Variants in UBE2E2 observed in about 807,000 individuals in gnomAD.
UBE2E2 encodes ubiquitin-conjugating enzyme E2 E2.
A neutral mutation model predicts 24.7 loss-of-function variants in UBE2E2; 6 were observed. The observed-to-expected ratio is 0.24, with a 90% CI of 0.13 to 0.48. The LOEUF is 0.48. Ranked by LOEUF, UBE2E2 falls within the 20% of genes least tolerant of loss-of-function variation. The pLI is 0.99. For synonymous variants in UBE2E2, 104 were observed against 83.6 expected (o/e 1.24, Z -1.33); for missense variants, 169 against 245.0 (o/e 0.69, Z 2.07).
intron 4 of UBE2E2, among the ~76,000 whole-genome samples, chr3:23,501,733 T>C (rs938032957): frequency 3.3e-5 from 5 of 152,302 alleles, no homozygotes; most frequent in Middle Eastern, 3.4e-3. Context: ...CAGTTTTCTC[T>C]GAGGGAAATC....
chr3:23,357,377 A>G (rs1462208243), intron 3 of UBE2E2, among the ~76,000 whole-genome samples: 1 of 152,120 alleles, frequency 6.6e-6, no homozygotes. Context: ...AATCTTGAGG[A>G]TGCCAGTGCC....
At chr3:23,361,528 C>T (rs557988363) in intron 3 of UBE2E2, among the ~76,000 whole-genome samples, 2 of 152,296 alleles carry the variant, frequency 1.3e-5, no homozygotes, top group South Asian at 4.1e-4. Context: ...TTCTTTGCAG[C>T]AACTTAGATG....
intron 3 of UBE2E2, among the ~76,000 whole-genome samples, chr3:23,304,928 A>G (rs1039667158): frequency 1.3e-5 from 2 of 152,018 alleles, no homozygotes; most frequent in Non-Finnish European, 2.9e-5. Flanking sequence ...TGATTTTGTA[A>G]TATCAAGTAT....
At chr3:23,434,405 A>T (rs1698137174) in intron 3 of UBE2E2, among the ~76,000 whole-genome samples, 1 of 152,124 alleles carries the variant, frequency 6.6e-6, no homozygotes, top group Non-Finnish European at 1.5e-5. Context: ...CCCCCAAATG[A>T]CACAATTGTG....
At chr3:23,379,462 T>C (rs1021013104) in intron 3 of UBE2E2, among the ~76,000 whole-genome samples, 2 of 147,620 alleles carry the variant, frequency 1.4e-5, no homozygotes, top group East Asian at 4.0e-4. Flanking sequence ...ATCTCATTGT[T>C]CAATTCCCAC....
rs1347213203 is a variant in UBE2E2, at chr3:23,208,696, T to C, written c.-4T>C. ...ATTTTTGATTCTTTAATCCAGGATC[T>C]AAAATGTCCACTGAGGCACAAAGAG... On this transcript the variant is annotated 5_prime_UTR_variant, in exon 2 of 6. Transcript: ENST00000396703. 1 of 1,599,428 alleles carries C rather than the reference T, an allele frequency of 6.3e-7. No homozygotes were observed. The highest frequency in any genetic ancestry group is 8.5e-7 in the Non-Finnish European group (1 of 1,173,634).
intron 3 of UBE2E2, among the ~76,000 whole-genome samples, chr3:23,237,487 T>C (rs987692394): frequency 1.3e-5 from 2 of 152,164 alleles, no homozygotes; most frequent in Non-Finnish European, 1.5e-5. Context: ...TTTCATCTGT[T>C]TGTAGAAGCC....
intron 3 of UBE2E2, among the ~76,000 whole-genome samples, chr3:23,242,690 A>G (rs934174600): frequency 6.6e-6 from 1 of 152,142 alleles, no homozygotes; most frequent in Non-Finnish European, 1.5e-5. Context: ...TGCTGAGAAA[A>G]ATCTAATTAT....
At chr3:23,457,577 T>G (rs562034759) in intron 3 of UBE2E2, among the ~76,000 whole-genome samples, 1 of 152,238 alleles carries the variant, frequency 6.6e-6, no homozygotes, top group Non-Finnish European at 1.5e-5. Context: ...AAGGCTGGAG[T>G]GCAGTGGCGT....
rs143615514 is a variant in UBE2E2, at chr3:23,530,332, G to A, written c.361-2222G>A. ...GTCTGGTTGACCTATCAGTTACTGT[G>A]GTGAAAATGTCCCTCTTTGATTATA... is the stretch of plus-strand genomic sequence containing the variant. On this transcript the variant is annotated intron_variant, in intron 4 of 5. Coordinates refer to ENST00000396703, the MANE Select transcript of UBE2E2 (RefSeq NM_152653.4). Among the ~76,000 whole-genome samples the A allele has an allele frequency of 2.3e-3, 354 of 152,094 alleles. 1 individual carries two copies. Among genetic ancestry groups the A allele is most frequent in the Middle Eastern group, 3.4e-3 (1 of 292 alleles).
intron 5 of UBE2E2, among the ~76,000 whole-genome samples, chr3:23,563,427 C>G (rs1380082347): frequency 3.9e-5 from 6 of 152,086 alleles, no homozygotes. Flanking sequence ...GCACTGTGGT[C>G]TGAGAGACAG....
intron 1 of UBE2E2, among the ~76,000 whole-genome samples, chr3:23,205,106 A>G (rs1340936096): frequency 6.6e-6 from 1 of 152,210 alleles, no homozygotes; most frequent in East Asian, 1.9e-4. Flanking sequence ...ACAAGCTTAG[A>G]CAGTTTGTGT....
intron 5 of UBE2E2, among the ~76,000 whole-genome samples, chr3:23,568,606 CAT>C (rs561673202): frequency 0.06 from 533 of 8,810 alleles, 3 homozygotes; most frequent in African/African-American, 0.17. Context: ...TATATGTATA[CAT>C]ATATACACAC....
At chr3:23,566,718 A>C (rs1250618654) in intron 5 of UBE2E2, among the ~76,000 whole-genome samples, 1 of 152,110 alleles carries the variant, frequency 6.6e-6, no homozygotes. Context: ...AGGGAAGAGC[A>C]CTGAGCCGTT....
At chr3:23,406,581 A>G (rs1185955561) in intron 3 of UBE2E2, among the ~76,000 whole-genome samples, 1 of 152,182 alleles carries the variant, frequency 6.6e-6, no homozygotes, top group Non-Finnish European at 1.5e-5. Flanking sequence ...TAAATAAGTA[A>G]ATGTAGTGAT....
chr3:23,296,167 T>G (rs558967746), intron 3 of UBE2E2, among the ~76,000 whole-genome samples: 2 of 152,198 alleles, frequency 1.3e-5, no homozygotes, highest in Non-Finnish European at 2.9e-5. Context: ...CTGTTTCCAG[T>G]TCAGCTCGGG....
intron 3 of UBE2E2, among the ~76,000 whole-genome samples, chr3:23,241,084 C>G (rs771661673): frequency 2.0e-5 from 3 of 152,232 alleles, no homozygotes; most frequent in Non-Finnish European, 4.4e-5. Context: ...TGCTTCCCCT[C>G]CCAAATCTGC....
chr3:23,290,411 A>C (rs1559334950), intron 3 of UBE2E2, among the ~76,000 whole-genome samples: 1 of 152,130 alleles, frequency 6.6e-6, no homozygotes, highest in Non-Finnish European at 1.5e-5. Flanking sequence ...TGTTTTAGAG[A>C]TCTGGGATGG....
chr3:23,319,324 A>G (rs1283016405), intron 3 of UBE2E2, among the ~76,000 whole-genome samples: 2 of 152,198 alleles, frequency 1.3e-5, no homozygotes, highest in African/African-American at 4.8e-5. Context: ...AAAACTTAAC[A>G]TTCTTAGTGA....
Sources: allele counts gnomAD v4.1 joint callset (sites outside exome capture counted in the v4.1 genomes callset), GRCh38; gene constraint gnomAD v4.1.1; transcripts MANE v1.5; gene names NCBI Gene and HGNC (gene_info 2026-07-23, HGNC 2026-07-21).